ZNF567: variants seen among roughly 807,000 people sequenced by gnomAD.
ZNF567 encodes zinc finger protein 567.
A neutral mutation model predicts 53.9 loss-of-function variants in ZNF567; 36 were observed. The observed-to-expected ratio is 0.67, with a 90% confidence interval of 0.51 to 0.88. The LOEUF is 0.88. Ranked by LOEUF, ZNF567 falls within the 40% of genes least tolerant of loss-of-function variation. The pLI, the probability that ZNF567 is intolerant of heterozygous loss-of-function variation, is 0.00. For missense variants in ZNF567, 619 were observed against 764.7 expected (o/e 0.81, Z 2.25); for synonymous variants, 224 against 260.4 (o/e 0.86, Z 1.35).
At chr19:36,670,581 T>C in the ZNF567 span, among the ~76,000 whole-genome samples, 1 of 152,202 alleles carries the variant, frequency 6.6e-6, no homozygotes, top group Non-Finnish European at 1.5e-5. Flanking sequence ...AATGTGGTTT[T>C]GTTGCTTAAG....
chr19:36,708,611 CTT>C (rs2039619135), intron 3 of ZNF567, among the ~76,000 whole-genome samples: 1 of 152,168 alleles, frequency 6.6e-6, no homozygotes. Context: ...TAAAAATCCT[CTT>C]TGCTCTGCCT....
At chr19:36,689,827 C>G (rs1404303873) in intron 2 of ZNF567, among the ~76,000 whole-genome samples, 1 of 152,190 alleles carries the variant, frequency 6.6e-6, no homozygotes, top group Non-Finnish European at 1.5e-5. Context: ...GCCTCAGGGT[C>G]TGAGGGACCC....
At chr19:36,682,326 T>G in the ZNF567 span, among the ~76,000 whole-genome samples, 4 of 150,870 alleles carry the variant, frequency 2.7e-5, no homozygotes, top group Non-Finnish European at 5.9e-5. Context: ...GCTACTACTA[T>G]GTACAGCAAC....
the ZNF567 span, among the ~76,000 whole-genome samples, chr19:36,670,621 T>C: frequency 3.3e-5 from 5 of 152,202 alleles, no homozygotes; most frequent in African/African-American, 1.2e-4. Context: ...CTACCTGATG[T>C]GTAGCTACTG....
the ZNF567 span, among the ~76,000 whole-genome samples, chr19:36,678,705 G>A: frequency 3.3e-5 from 5 of 151,670 alleles, no homozygotes; most frequent in South Asian, 8.3e-4. Flanking sequence ...TTCGCCAGGC[G>A]TAGTGGTGGG....
intron 3 of ZNF567, among the ~76,000 whole-genome samples, chr19:36,701,781 G>T (rs1039130017): frequency 4.1e-5 from 6 of 147,230 alleles, no homozygotes; most frequent in African/African-American, 1.5e-4. Flanking sequence ...TTGCTTGGTA[G>T]ATCTTCCTCC....
intron 5 of ZNF567, among the ~76,000 whole-genome samples, chr19:36,715,599 G>A (rs1014727118): frequency 6.7e-6 from 1 of 149,012 alleles, no homozygotes; most frequent in Non-Finnish European, 1.5e-5. Context: ...GCTCGATCTC[G>A]ACTCACCGCA....
At chr19:36,694,951 G>C (rs138459215) in intron 3 of ZNF567, 75 bp downstream of exon 3, 1 of 1,445,762 alleles carries the variant, frequency 6.9e-7, no homozygotes, top group Non-Finnish European at 9.1e-7. Flanking sequence ...GGCATGTGTC[G>C]GTCTTGTCCT....
At position 36,719,178 on chromosome 19, in the gene ZNF567, C is replaced by A. The variant is rs749389488; in HGVS notation, c.454C>A (p.Leu152Ile). Residue 152 changes from leucine to isoleucine, a missense_variant, in exon 6 of 6, where the codon CTA becomes ATA. Coordinates refer to ENST00000682579, the MANE Select transcript of ZNF567 (RefSeq NM_001322917.1). ...TGTTTCAGAATTAATCATCAGTAAT[C>A]TAAATCCTGCAAGAAAGAGACTTAG... ...KNVSELIISN[L>I]NPARKRLSEY... is the part of the protein sequence containing the mutation. 1.4e-5 allele frequency: 22 copies of A among 1,613,188 alleles called. No individual in the cohort carries two copies. The highest frequency in any genetic ancestry group is 1.8e-5 in the Non-Finnish European group (21 of 1,179,822).
At chr19:36,707,705 G>A (rs2039568552) in intron 3 of ZNF567, among the ~76,000 whole-genome samples, 1 of 152,064 alleles carries the variant, frequency 6.6e-6, no homozygotes. Flanking sequence ...AGCCTCCTGA[G>A]TAGCTGGGAT....
intron 3 of ZNF567, among the ~76,000 whole-genome samples, chr19:36,704,363 G>A (rs1381046447): frequency 6.6e-6 from 1 of 152,186 alleles, no homozygotes; most frequent in Admixed American, 6.5e-5. Context: ...GGAGGTTGCA[G>A]TGAGCCAAGG....
the ZNF567 span, among the ~76,000 whole-genome samples, chr19:36,667,241 T>TA: frequency 1.7e-3 from 259 of 152,128 alleles, no homozygotes; most frequent in African/African-American, 5.9e-3. Flanking sequence ...TGAAACGATT[T>TA]AAAAAAAAAT....
rs560530325 is a variant in ZNF567 at position 36,707,880 on chromosome 19, A to G, written c.10-4506A>G. On this transcript the variant is annotated intron_variant, in intron 3 of 5. Transcript: ENST00000682579. The stretch of plus-strand genomic sequence containing the variant: ...AGGCGTGAGCCACTGCGCCCGGCCT[A>G]TAATAATCCTGTTTTAACATCCTTG... Among the ~76,000 whole-genome samples, 7 of 152,188 alleles carry G rather than the reference A, an allele frequency of 4.6e-5. No individual in the cohort carries two copies. The South Asian group carries it at 1.2e-3, about 27-fold the overall frequency.
chr19:36,673,345 G>C, the ZNF567 span, among the ~76,000 whole-genome samples: 1 of 152,224 alleles, frequency 6.6e-6, no homozygotes, highest in African/African-American at 2.4e-5. Context: ...ACTGGGCCAT[G>C]ATGCCCAGAT....
chr19:36,712,392 G>A lies in ZNF567; in HGVS notation c.16G>A (p.Val6Met). Residue 6 changes from valine to methionine, a missense_variant, in exon 4 of 6, where the codon GTG becomes ATG. Val to Met is a conservative substitution (Grantham distance 21). Transcript: ENST00000682579. MAQGS[V>M]SFNDVTVDFT... The stretch of plus-strand genomic sequence containing the variant: ...ACAGTTCCATCCATTCTAGGGATCA[G>A]TGTCTTTCAATGATGTGACTGTGGA... The A allele has an allele frequency of 1.2e-6, 2 of 1,613,706 alleles. No homozygotes were observed. Among genetic ancestry groups the A allele is most frequent in the Non-Finnish European group, 1.7e-6 (2 of 1,179,788 alleles).
chr19:36,688,578 C>T (rs2038395424), intron 1 of ZNF567, among the ~76,000 whole-genome samples: 1 of 151,378 alleles, frequency 6.6e-6, no homozygotes, highest in African/African-American at 2.4e-5. Context: ...AAGGCTGAGG[C>T]GGGCCGATCA....
At chr19:36,699,235 T>A (rs2039048188) in intron 3 of ZNF567, among the ~76,000 whole-genome samples, 1 of 152,188 alleles carries the variant, frequency 6.6e-6, no homozygotes, top group South Asian at 2.1e-4. Context: ...TAGTTGTAGA[T>A]AAGTGGCATT....
chr19:36,720,463 A>G lies in ZNF567; in HGVS notation c.1739A>G (p.Gln580Arg). ...AGGAAGTCATATCTCATTCATCATCAAAGAACTCATACGGGAGAGAAACCA... is the reference window on the plus strand; with the variant it reads ...AGGAAGTCATATCTCATTCATCATCGAAGAACTCATACGGGAGAGAAACCA... ...FSRKSYLIHHQRTHTGEKPYK... is the reference protein window; with the variant it reads ...FSRKSYLIHHRRTHTGEKPYK... The change falls in exon 6 of 6, where the codon CAA (glutamine) becomes CGA (arginine). Residue 580 changes from glutamine to arginine, a missense_variant. Coordinates refer to ENST00000682579, the MANE Select transcript of ZNF567 (RefSeq NM_001322917.1). 1 of 1,614,004 alleles carries G rather than the reference A, an allele frequency of 6.2e-7. No individual in the cohort carries two copies. The highest frequency in any genetic ancestry group is 2.2e-5 in the East Asian group (1 of 44,844).
intron 3 of ZNF567, among the ~76,000 whole-genome samples, chr19:36,707,724 C>A (rs2145782116): frequency 6.6e-6 from 1 of 151,984 alleles, no homozygotes; most frequent in South Asian, 2.1e-4. Context: ...ATTACAGGCA[C>A]CTGCCACCAT....
Sources: gnomAD v4.1 joint callset for allele counts (sites outside exome capture counted in the v4.1 genomes callset) on GRCh38, gnomAD v4.1.1 for gene constraint, MANE v1.5 for transcripts, NCBI Gene and HGNC (gene_info 2026-07-23, HGNC 2026-07-21) for gene names.